The following GRK4 variants were observed in gnomAD, a reference collection of about 807,000 sequenced individuals.
The protein encoded by GRK4 is G protein-coupled receptor kinase 4.
Under a neutral mutation model 77.9 loss-of-function variants are expected in GRK4, and 73 were observed. That is an observed-to-expected ratio of 0.94 (90% CI 0.78 to 1.14). The LOEUF (loss-of-function observed/expected upper bound fraction) is 1.14. Among genes scored for constraint, GRK4 ranks in the 50% most tolerant of loss-of-function variants. The probability of loss-of-function intolerance (pLI) is 0.00; values close to 1 mark genes in which losing one functional copy is unlikely to be tolerated. For missense variants in GRK4, 729 were observed against 700.2 expected (o/e 1.04, Z -0.46); for synonymous variants, 257 against 254.4 (o/e 1.01, Z -0.10).
chr4:3,017,720 C>A (rs928742976), intron 8 of GRK4, among the ~76,000 whole-genome samples: 2 of 152,094 alleles, frequency 1.3e-5, no homozygotes, highest in African/African-American at 4.8e-5. Context: ...TAATTTATCA[C>A]GTTACCAGAA....
chr4:3,015,478 C>T lies in GRK4; in HGVS notation c.741+1650C>T, dbSNP rs1163552576. 4.6e-5 allele frequency among the ~76,000 whole-genome samples: 7 copies of T among 151,790 alleles called. No individual in the cohort carries two copies. In the East Asian group the frequency reaches 1.4e-3, roughly 30 times the overall value. On this transcript the variant is annotated intron_variant, in intron 8 of 15. Transcript: ENST00000398052. ...AGGCAGGCGTCAGGAGATCGAGACCCTCCTGGCTAACACAGTGAAACCCCA... is the reference window on the plus strand; with the variant it reads ...AGGCAGGCGTCAGGAGATCGAGACCTTCCTGGCTAACACAGTGAAACCCCA...
chr4:2,993,184 C>T (rs539313106), intron 4 of GRK4, among the ~76,000 whole-genome samples: 1 of 152,192 alleles, frequency 6.6e-6, no homozygotes, highest in African/African-American at 2.4e-5. Flanking sequence ...AACATTTTTT[C>T]CTAAAAGCTT....
chr4:2,985,971 C>CAAG (rs1002759664), intron 2 of GRK4, among the ~76,000 whole-genome samples: 3 of 100,674 alleles, frequency 3.0e-5, no homozygotes, highest in African/African-American at 1.2e-4. Context: ...GGTGACAGAA[C>CAAG]AAGACTCCGT....
chr4:2,964,141 C>T lies in GRK4; in HGVS notation c.52+19C>T, dbSNP rs1220193173. 2 of 1,557,180 alleles carry T rather than the reference C, an allele frequency of 1.3e-6. No homozygotes were observed. Among genetic ancestry groups the T allele is most frequent in the East Asian group, 4.6e-5 (2 of 43,518 alleles). ...CGTCAAGGTGGGTGCGCGGCAGGCG[C>T]CCCCGACCCCCCCCCCAGAGAACCC... is the stretch of plus-strand genomic sequence containing the variant. On this transcript the variant is annotated intron_variant, in intron 1 of 15. Coordinates refer to ENST00000398052, the MANE Select transcript of GRK4 (RefSeq NM_182982.3).
intron 8 of GRK4, among the ~76,000 whole-genome samples, chr4:3,017,011 G>A (rs1192093881): frequency 6.6e-6 from 1 of 152,256 alleles, no homozygotes; most frequent in Non-Finnish European, 1.5e-5. Context: ...ACCCATGGCA[G>A]TAATGCCTCT....
At chr4:3,024,204 T>C (rs1286460580) in intron 10 of GRK4, among the ~76,000 whole-genome samples, 3 of 152,106 alleles carry the variant, frequency 2.0e-5, no homozygotes, top group Non-Finnish European at 4.4e-5. Flanking sequence ...CCCTGTCTCT[T>C]CTCTTGGGGA....
At chr4:3,008,557 C>T (rs774377179) in intron 6 of GRK4, among the ~76,000 whole-genome samples, 3 of 152,162 alleles carry the variant, frequency 2.0e-5, no homozygotes, top group African/African-American at 4.8e-5. Context: ...TAATCCAGCA[C>T]TTTGGGAGGC....
chr4:3,027,515 C>T (rs1468452482), intron 10 of GRK4, among the ~76,000 whole-genome samples: 1 of 152,022 alleles, frequency 6.6e-6, no homozygotes, highest in African/African-American at 2.4e-5. Context: ...TGTAGCTGTC[C>T]CTGTGTATAG....
At chr4:3,036,367 G>A (rs569103603) in intron 13 of GRK4, among the ~76,000 whole-genome samples, 31 of 152,338 alleles carry the variant, frequency 2.0e-4, no homozygotes, top group African/African-American at 6.0e-4. Context: ...GTCCACTTCC[G>A]CCTCCCCACC....
chr4:3,034,589 GA>G (rs1740078742), intron 12 of GRK4, among the ~76,000 whole-genome samples: 1 of 152,160 alleles, frequency 6.6e-6, no homozygotes, highest in African/African-American at 2.4e-5. Flanking sequence ...AATTGCGGAG[GA>G]AGGCTTATTT....
chr4:3,017,054 G>A (rs1294936877), intron 8 of GRK4, among the ~76,000 whole-genome samples: 8 of 152,150 alleles, frequency 5.3e-5, no homozygotes, highest in Admixed American at 5.2e-4. Flanking sequence ...CTGCACCCTC[G>A]CCCCTCACAG....
At chr4:2,975,799 CAT>C (rs769126641) in intron 1 of GRK4, among the ~76,000 whole-genome samples, 11 of 152,178 alleles carry the variant, frequency 7.2e-5, no homozygotes, top group Non-Finnish European at 1.3e-4. Flanking sequence ...CTCTCAGAAA[CAT>C]AGTCAGCTTT....
intron 9 of GRK4, among the ~76,000 whole-genome samples, chr4:3,020,204 C>G (rs1301723376): frequency 6.6e-6 from 1 of 152,050 alleles, no homozygotes; most frequent in Non-Finnish European, 1.5e-5. Flanking sequence ...GGGGGTCTCA[C>G]CATGTTGGCC....
chr4:3,010,263 G>A (rs1373444215), intron 7 of GRK4, among the ~76,000 whole-genome samples: 1 of 152,058 alleles, frequency 6.6e-6, no homozygotes, highest in East Asian at 1.9e-4. Context: ...TTTCGCTCTT[G>A]TTGCCTAGAC....
chr4:3,012,563 A>G (rs1345586697), intron 7 of GRK4, among the ~76,000 whole-genome samples: 1 of 152,244 alleles, frequency 6.6e-6, no homozygotes, highest in Non-Finnish European at 1.5e-5. Flanking sequence ...ATAAAATTAA[A>G]TCATGTCTTA....
At chr4:2,968,135 A>G (rs1336438231) in intron 1 of GRK4, among the ~76,000 whole-genome samples, 1 of 151,620 alleles carries the variant, frequency 6.6e-6, no homozygotes. Context: ...CCTGTATAAT[A>G]TTATTTGTTA....
At chr4:3,013,600 A>T in intron 7 of GRK4, 88 bp from the exon 8 acceptor site, 1 of 1,453,472 alleles carries the variant, frequency 6.9e-7, no homozygotes, top group Non-Finnish European at 9.3e-7. Flanking sequence ...TCTGCCAGTG[A>T]GGGTCTCATC....
chr4:2,999,047 G>A (rs1424650854), intron 4 of GRK4, among the ~76,000 whole-genome samples: 1 of 152,190 alleles, frequency 6.6e-6, no homozygotes, highest in Non-Finnish European at 1.5e-5. Context: ...AATCGAGAGT[G>A]CAGAAACAAA....
At chr4:2,967,892 G>T (rs1718264171) in intron 1 of GRK4, among the ~76,000 whole-genome samples, 1 of 152,104 alleles carries the variant, frequency 6.6e-6, no homozygotes, top group East Asian at 1.9e-4. Flanking sequence ...CCGGGTTCAA[G>T]AAATTCTCCT....
Sources: allele counts gnomAD v4.1 joint callset (sites outside exome capture counted in the v4.1 genomes callset), GRCh38; gene constraint gnomAD v4.1.1; transcripts MANE v1.5; gene names NCBI Gene and HGNC (gene_info 2026-07-23, HGNC 2026-07-21).